ADAMTSL1: variants seen among roughly 807,000 people sequenced by gnomAD.
The protein encoded by ADAMTSL1 is ADAMTS like 1.
ADAMTSL1 carries 126 observed loss-of-function variants against 201.8 expected under a neutral mutation model. The observed-to-expected ratio is 0.62, with a 90% confidence interval of 0.54 to 0.72. The LOEUF (loss-of-function observed/expected upper bound fraction) is 0.72, where lower values mean the gene tolerates loss of function less well. Ranked by LOEUF, ADAMTSL1 falls within the 30% of genes least tolerant of loss-of-function variation. The pLI is 0.00. For missense variants in ADAMTSL1, 2,679 were observed against 2,277.8 expected (o/e 1.18, Z -3.59); for synonymous variants, 1,121 against 903.4 (o/e 1.24, Z -4.32).
chr9:18,227,104 C>A (rs1007529137), intron 2 of ADAMTSL1, among the ~76,000 whole-genome samples: 1 of 152,030 alleles, frequency 6.6e-6, no homozygotes, highest in Non-Finnish European at 1.5e-5. Context: ...CCAGAGTTAA[C>A]CCCTCCATTT....
At chr9:18,507,739 G>A (rs1187238005) in intron 2 of ADAMTSL1, among the ~76,000 whole-genome samples, 5 of 152,182 alleles carry the variant, frequency 3.3e-5, no homozygotes, top group Admixed American at 2.0e-4. Flanking sequence ...ATTTGTGTGT[G>A]TGCTGAGCTG....
intron 2 of ADAMTSL1, among the ~76,000 whole-genome samples, chr9:18,252,984 T>G (rs1395091058): frequency 6.6e-6 from 1 of 152,188 alleles, no homozygotes; most frequent in Non-Finnish European, 1.5e-5. Context: ...AGAAAATAAA[T>G]TTTCACCATT....
chr9:18,729,263 A>C (rs1210318940), intron 15 of ADAMTSL1, among the ~76,000 whole-genome samples: 1 of 152,220 alleles, frequency 6.6e-6, no homozygotes, highest in Non-Finnish European at 1.5e-5. Flanking sequence ...GATTCTTTGA[A>C]GGTAATGATA....
intron 2 of ADAMTSL1, among the ~76,000 whole-genome samples, chr9:18,426,975 C>T (rs926927951): frequency 3.3e-5 from 5 of 152,140 alleles, no homozygotes; most frequent in Admixed American, 2.0e-4. Context: ...ATCTTCGAAA[C>T]ATTTTTATCA....
At chr9:18,096,465 T>C (rs567325530) in intron 1 of ADAMTSL1, among the ~76,000 whole-genome samples, 5 of 152,292 alleles carry the variant, frequency 3.3e-5, no homozygotes, top group Middle Eastern at 3.4e-3. Context: ...CACTGGCCCA[T>C]GTGGCTCTTG....
intron 2 of ADAMTSL1, among the ~76,000 whole-genome samples, chr9:18,217,240 T>C (rs1330729485): frequency 2.0e-5 from 3 of 152,216 alleles, no homozygotes; most frequent in Admixed American, 2.0e-4. Context: ...TTACATGTTC[T>C]ATCATTATGC....
At chr9:18,086,692 G>A (rs971168175) in intron 1 of ADAMTSL1, among the ~76,000 whole-genome samples, 2 of 152,166 alleles carry the variant, frequency 1.3e-5, no homozygotes, top group South Asian at 2.1e-4. Flanking sequence ...TGATTTATGT[G>A]TACTTTAGAA....
chr9:18,487,577 G>T (rs1822060903), intron 1 of ADAMTSL1, among the ~76,000 whole-genome samples: 1 of 152,130 alleles, frequency 6.6e-6, no homozygotes, highest in South Asian at 2.1e-4. Flanking sequence ...TCTCCTCCTA[G>T]GTGCCAAGTA....
At chr9:18,126,354 A>T (rs2131943911) in intron 1 of ADAMTSL1, among the ~76,000 whole-genome samples, 1 of 152,266 alleles carries the variant, frequency 6.6e-6, no homozygotes, top group Admixed American at 6.5e-5. Flanking sequence ...TAAGTAACTC[A>T]TTCCTTTTAA....
intron 20 of ADAMTSL1, among the ~76,000 whole-genome samples, chr9:18,801,556 G>C (rs772942685): frequency 4.6e-5 from 7 of 151,846 alleles, no homozygotes; most frequent in Non-Finnish European, 7.4e-5. Context: ...TAAGCCCCAG[G>C]GTCTGTTGTT....
intron 5 of ADAMTSL1, among the ~76,000 whole-genome samples, chr9:18,633,913 A>G (rs1454579000): frequency 6.6e-6 from 1 of 152,170 alleles, no homozygotes; most frequent in Admixed American, 6.5e-5. Flanking sequence ...TATTTAAAAA[A>G]AAAATAGTTT....
chr9:18,221,971 T>C (rs1830276984), intron 2 of ADAMTSL1, among the ~76,000 whole-genome samples: 1 of 152,008 alleles, frequency 6.6e-6, no homozygotes, highest in African/African-American at 2.4e-5. Context: ...GACTCTATTA[T>C]AAAGTACATT....
At chr9:18,259,593 G>A (rs1587415456) in intron 2 of ADAMTSL1, among the ~76,000 whole-genome samples, 2 of 151,804 alleles carry the variant, frequency 1.3e-5, no homozygotes, top group Middle Eastern at 3.2e-3. Flanking sequence ...AGGCTCCCAG[G>A]GGACACAGCC....
rs557818267 is a variant in ADAMTSL1, at chr9:18,839,300, T to A, written c.4249+9323T>A. ...CATGCGGTGTTTGGTTTTTTGTCTT[T>A]ACAATAGTTTACTGAGAATGATGAT... On this transcript the variant is annotated intron_variant, in intron 23 of 28. Coordinates refer to ENST00000380548, the MANE Select transcript of ADAMTSL1 (RefSeq NM_001040272.6). Among the ~76,000 whole-genome samples the A allele has an allele frequency of 4.0e-5, 6 of 151,756 alleles. No individual in the cohort carries two copies. In the East Asian group the frequency reaches 1.2e-3, roughly 30 times the overall value.
intron 1 of ADAMTSL1, among the ~76,000 whole-genome samples, chr9:17,997,006 G>C (rs1413429382): frequency 6.6e-6 from 1 of 152,098 alleles, no homozygotes; most frequent in Non-Finnish European, 1.5e-5. Context: ...AAGAACCTAC[G>C]TAAGCTTTCA....
At chr9:18,105,773 T>C (rs1445521406) in intron 1 of ADAMTSL1, among the ~76,000 whole-genome samples, 5 of 152,230 alleles carry the variant, frequency 3.3e-5, no homozygotes, top group Admixed American at 1.3e-4. Context: ...CTTAGTTACA[T>C]CTTATATTGC....
intron 24 of ADAMTSL1, among the ~76,000 whole-genome samples, chr9:18,888,728 G>A (rs929443567): frequency 6.6e-6 from 1 of 152,146 alleles, no homozygotes; most frequent in African/African-American, 2.4e-5. Flanking sequence ...TATGTGTGAT[G>A]TATTCCAAAA....
chr9:18,233,014 T>A (rs879846981), intron 2 of ADAMTSL1, among the ~76,000 whole-genome samples: 2 of 152,200 alleles, frequency 1.3e-5, no homozygotes, highest in Non-Finnish European at 2.9e-5. Context: ...TGGAAGACAT[T>A]GCTATTATCA....
intron 1 of ADAMTSL1, among the ~76,000 whole-genome samples, chr9:17,918,335 T>G (rs970909389): frequency 1.3e-5 from 1 of 74,158 alleles, no homozygotes; most frequent in Non-Finnish European, 2.6e-5. Flanking sequence ...AATTTCTATA[T>G]GTATTTTTTT....
Sources: allele counts gnomAD v4.1 joint callset (sites outside exome capture counted in the v4.1 genomes callset), GRCh38; gene constraint gnomAD v4.1.1; transcripts MANE v1.5; gene names NCBI Gene and HGNC (gene_info 2026-07-23, HGNC 2026-07-21).